TBC1D32: variants seen among roughly 807,000 people sequenced by gnomAD.
The protein encoded by TBC1D32 is TBC1 domain family member 32, also known as protein broad-minded.
In TBC1D32, 151 loss-of-function variants were observed where a neutral mutation model predicts 170.3. That is an observed-to-expected ratio of 0.89 (90% CI 0.78 to 1.01). TBC1D32 has a LOEUF of 1.01. TBC1D32 is among the 50% of genes least tolerant of loss of function. TBC1D32 has a pLI of 0.00. For synonymous variants in TBC1D32, 498 were observed against 488.0 expected (o/e 1.02, Z -0.27); for missense variants, 1,464 against 1,457.1 (o/e 1.00, Z -0.08).
chr6:121,182,157 C>T (rs1788606071), intron 22 of TBC1D32, among the ~76,000 whole-genome samples: 1 of 151,624 alleles, frequency 6.6e-6, no homozygotes, highest in African/African-American at 2.4e-5. Flanking sequence ...TAATTGTTAC[C>T]ATTAGAGGGA....
At chr6:121,108,151 TTA>T (rs1357805571) in intron 29 of TBC1D32, among the ~76,000 whole-genome samples, 1 of 152,112 alleles carries the variant, frequency 6.6e-6, no homozygotes, top group African/African-American at 2.4e-5. Flanking sequence ...GTAAGCTCAC[TTA>T]TATAAAAAGT....
chr6:121,231,782 T>C (rs1795774659), intron 20 of TBC1D32, among the ~76,000 whole-genome samples: 1 of 152,108 alleles, frequency 6.6e-6, no homozygotes, highest in African/African-American at 2.4e-5. Context: ...TTTTTCTTGC[T>C]GATTTGTTTG....
At chr6:121,274,650 T>C (rs1801981411) in intron 15 of TBC1D32, among the ~76,000 whole-genome samples, 1 of 151,978 alleles carries the variant, frequency 6.6e-6, no homozygotes, top group Admixed American at 6.6e-5. Context: ...TAGAACTTCA[T>C]CAAGAAACAT....
At chr6:121,284,942 G>T (rs1195754953) in intron 12 of TBC1D32, among the ~76,000 whole-genome samples, 2 of 151,914 alleles carry the variant, frequency 1.3e-5, no homozygotes, top group African/African-American at 4.8e-5. Context: ...CACTACCATG[G>T]GAACTACAAG....
At chr6:121,094,142 C>G (rs1389500190) in intron 30 of TBC1D32, among the ~76,000 whole-genome samples, 4 of 151,588 alleles carry the variant, frequency 2.6e-5, no homozygotes, top group African/African-American at 7.3e-5. Context: ...AGCTATGAGT[C>G]ATAAATTTTA....
At chr6:121,144,507 C>T (rs1427152643) in intron 24 of TBC1D32, among the ~76,000 whole-genome samples, 3 of 151,988 alleles carry the variant, frequency 2.0e-5, no homozygotes, top group South Asian at 2.1e-4. Flanking sequence ...GCATGAATGC[C>T]GTTAGGTTTA....
rs1797070361 is a variant in TBC1D32, at chr6:121,242,188, T to C, written c.2157+13A>G. On this transcript the variant is annotated intron_variant, in intron 18 of 31. Coordinates refer to ENST00000398212, the MANE Select transcript of TBC1D32 (RefSeq NM_152730.6). The stretch of plus-strand genomic sequence containing the variant: ...AAAAATTCCCTTTGCCTTTGGCAGA[T>C]GGTAATTCATACCTGTAATTTTTTT... 2 of 1,608,260 alleles carry C rather than the reference T, an allele frequency of 1.2e-6. No homozygotes were observed. Among genetic ancestry groups the C allele is most frequent in the South Asian group, 1.1e-5 (1 of 89,742 alleles).
intron 21 of TBC1D32, among the ~76,000 whole-genome samples, chr6:121,208,373 G>A (rs2128308488): frequency 6.6e-6 from 1 of 152,142 alleles, no homozygotes; most frequent in African/African-American, 2.4e-5. Flanking sequence ...TTCTTCACAT[G>A]GCAGCAGGAA....
intron 12 of TBC1D32, among the ~76,000 whole-genome samples, chr6:121,285,317 T>C (rs1018191144): frequency 3.3e-5 from 5 of 152,094 alleles, no homozygotes; most frequent in African/African-American, 1.2e-4. Flanking sequence ...AGCTAACCAG[T>C]ATAAACTTCT....
intron 27 of TBC1D32, 140 bp from the exon 28 acceptor site, chr6:121,113,317 A>G (rs533040117): frequency 8.6e-5 from 45 of 521,934 alleles, no homozygotes; most frequent in Middle Eastern, 3.5e-4. Context: ...TGATTATGAT[A>G]TATTTGGATT....
chr6:121,292,747 G>A (rs17083375), intron 11 of TBC1D32, among the ~76,000 whole-genome samples: 4,990 of 152,220 alleles, frequency 0.033, 194 homozygotes, highest in East Asian at 0.12. Context: ...TGATTAGGGC[G>A]CATATGTATT....
intron 20 of TBC1D32, 42 bp downstream of exon 20, chr6:121,239,028 T>A (rs759603375): frequency 8.9e-7 from 1 of 1,123,250 alleles, no homozygotes; most frequent in African/African-American, 1.5e-5. Flanking sequence ...TTCTGTGAAA[T>A]ACTTTTCAAA....
Position 121,146,220 on chromosome 6 carries a change from T to G in TBC1D32, c.2773+13790A>C, listed in dbSNP as rs1329431987. 2.0e-5 allele frequency among the ~76,000 whole-genome samples: 3 copies of G among 152,198 alleles called. No individual in the cohort carries two copies. In the East Asian group the frequency reaches 5.8e-4, roughly 29 times the overall value. ...TGGCTCATGTGATTATAGAGGCTGATGAGTCCAAAATCTACAGTGTTGGCC... is the reference window on the plus strand; with the variant it reads ...TGGCTCATGTGATTATAGAGGCTGAGGAGTCCAAAATCTACAGTGTTGGCC... On this transcript the variant is annotated intron_variant, in intron 24 of 31. Transcript: ENST00000398212.
At chr6:121,320,888 T>C (rs1313361511) in intron 2 of TBC1D32, among the ~76,000 whole-genome samples, 1 of 152,118 alleles carries the variant, frequency 6.6e-6, no homozygotes, top group African/African-American at 2.4e-5. Flanking sequence ...AGTTTTCAAA[T>C]GACATCATGT....
At chr6:121,134,091 T>C (rs912429346) in intron 24 of TBC1D32, among the ~76,000 whole-genome samples, 1 of 152,102 alleles carries the variant, frequency 6.6e-6, no homozygotes, top group Non-Finnish European at 1.5e-5. Context: ...ATTTAAAATA[T>C]CCACATTACA....
chr6:121,218,239 G>T (rs1240536337), intron 21 of TBC1D32, among the ~76,000 whole-genome samples: 1 of 152,170 alleles, frequency 6.6e-6, no homozygotes, highest in East Asian at 1.9e-4. Flanking sequence ...AGAACAAGAA[G>T]TAAATAATGC....
intron 17 of TBC1D32, among the ~76,000 whole-genome samples, chr6:121,252,814 C>T (rs1033242897): frequency 6.6e-6 from 1 of 151,978 alleles, no homozygotes; most frequent in Non-Finnish European, 1.5e-5. Flanking sequence ...ATACTTACAG[C>T]CAACTGATCT....
chr6:121,262,778 T>C (rs1799938825), intron 15 of TBC1D32, among the ~76,000 whole-genome samples: 2 of 152,286 alleles, frequency 1.3e-5, no homozygotes, highest in South Asian at 4.2e-4. Context: ...CACCCAGCCA[T>C]TGAACATTCT....
At chr6:121,302,405 GTATACTAGAACACAC>G (rs1222862726) in intron 9 of TBC1D32, among the ~76,000 whole-genome samples, 3 of 152,052 alleles carry the variant, frequency 2.0e-5, no homozygotes, top group Non-Finnish European at 2.9e-5. Context: ...GAATTTTCAT[GTATACTAGAACACAC>G]TTCAGAATGT....
Sources: allele counts gnomAD v4.1 joint callset (sites outside exome capture counted in the v4.1 genomes callset), GRCh38; gene constraint gnomAD v4.1.1; transcripts MANE v1.5; gene names NCBI Gene and HGNC (gene_info 2026-07-23, HGNC 2026-07-21).